FAT2: variants seen among roughly 807,000 people sequenced by gnomAD.
The protein encoded by FAT2 is FAT atypical cadherin 2.
FAT2 carries 150 observed loss-of-function variants against 295.3 expected under a neutral mutation model. That is an observed-to-expected ratio of 0.51 (90% CI 0.44 to 0.58). The LOEUF is 0.58. FAT2 is among the 20% of genes least tolerant of loss of function. FAT2 has a pLI of 0.00. For synonymous variants in FAT2, 2,026 were observed against 2,150.3 expected, an observed-to-expected ratio of 0.94 and a Z score of 1.60; for missense variants, 4,868 against 5,442.7, an observed-to-expected ratio of 0.89 and a Z score of 3.32.
intron 3 of FAT2, among the ~76,000 whole-genome samples, chr5:151,556,709 T>C (rs1013522251): frequency 2.6e-5 from 4 of 152,236 alleles, no homozygotes; most frequent in Non-Finnish European, 5.9e-5. Context: ...TATTCAATAC[T>C]TTATTTTAAA....
In FAT2 at chr5:151,540,629, C is replaced by G. The variant is rs1156889986; in HGVS notation, c.8977G>C (p.Ala2993Pro). 4 of 1,614,072 alleles carry G rather than the reference C, an allele frequency of 2.5e-6. No homozygotes were observed. In the African/African-American group the frequency reaches 5.3e-5, roughly 22 times the overall value. Reference protein sequence around the residue: ...RVTASDGKFQASVTVEIFVLD... With the variant: ...RVTASDGKFQPSVTVEIFVLD... ...ACAAAGATCTCCACAGTGACCGAAGCCTGGAACTTGCCATCAGATGCTGTG... is the reference window on the plus strand; with the variant it reads ...ACAAAGATCTCCACAGTGACCGAAGGCTGGAACTTGCCATCAGATGCTGTG... The change falls in exon 11 of 24, where the codon GCT (alanine) becomes CCT (proline). Residue 2993 changes from alanine (A) to proline (P), a missense_variant. This residue lies in a region of FAT2 where 9 missense variants were observed against 27.4 expected (regional missense o/e 0.33). Transcript: ENST00000261800.
chr5:151,537,296 G>C (rs1217354185), intron 12 of FAT2, among the ~76,000 whole-genome samples: 1 of 143,292 alleles, frequency 7.0e-6, no homozygotes, highest in Non-Finnish European at 1.5e-5. Context: ...AGGAGGAGGA[G>C]GGAGAGAGGG....
chr5:151,549,572 G>T, intron 8 of FAT2, 67 bp from the exon 9 acceptor site: 2 of 1,395,486 alleles, frequency 1.4e-6, no homozygotes, highest in Non-Finnish European at 2.0e-6. Flanking sequence ...GTTAGGGTAA[G>T]GTTAATGAAC....
chr5:151,544,879 G>A lies in FAT2; in HGVS notation c.6248C>T (p.Thr2083Ile), dbSNP rs761364509. 6.2e-7 allele frequency: 1 copy of A among 1,614,058 alleles called. No individual in the cohort carries two copies. Among genetic ancestry groups the A allele is most frequent in the African/African-American group, 1.3e-5 (1 of 74,918 alleles). ...LPYYTIIQDGTEPGDVLFQVS... is the reference protein window; with the variant it reads ...LPYYTIIQDGIEPGDVLFQVS... ...CTGAAAGAGGACATCCCCTGGCTCTGTGCCATCTTGGATGATTGTGTAATA... is the reference window on the plus strand; with the variant it reads ...CTGAAAGAGGACATCCCCTGGCTCTATGCCATCTTGGATGATTGTGTAATA... The change falls in exon 10 of 24, where the codon ACA becomes ATA. Residue 2083 changes from threonine (T) to isoleucine (I), a missense_variant. Thr to Ile is a moderately conservative substitution (Grantham distance 89, BLOSUM62 -1). Transcript: ENST00000261800.
chr5:151,541,280 C>T (rs924731168), intron 10 of FAT2, among the ~76,000 whole-genome samples: 1 of 152,202 alleles, frequency 6.6e-6, no homozygotes, highest in South Asian at 2.1e-4. Flanking sequence ...ATATGGATTT[C>T]TCACTCTGAG....
At chr5:151,556,812 G>A (rs574493083) in intron 3 of FAT2, among the ~76,000 whole-genome samples, 2 of 152,276 alleles carry the variant, frequency 1.3e-5, no homozygotes, top group East Asian at 1.9e-4. Context: ...ATCATGTTCT[G>A]TAGGTTCGGT....
At chr5:151,585,237 C>T (rs7736160) in intron 1 of FAT2, among the ~76,000 whole-genome samples, 2 of 152,026 alleles carry the variant, frequency 1.3e-5, no homozygotes, top group African/African-American at 2.4e-5. Context: ...TGACTGGCAA[C>T]GGGCACCAGG....
chr5:151,588,029 T>C (rs1759245170), intron 1 of FAT2, among the ~76,000 whole-genome samples: 1 of 152,200 alleles, frequency 6.6e-6, no homozygotes, highest in Admixed American at 6.5e-5. Context: ...CAATGATTCT[T>C]CAAGGGAGAC....
At position 151,531,646 on chromosome 5, in the gene FAT2, G is replaced by T. The variant is rs1316262149; in HGVS notation, c.9752C>A (p.Thr3251Asn). ...GTTCCCGCTGACCACGCGGTAGCCG[G>T]TCTTCTCTGCGCCCGGGCGAGTGAG... The part of the protein sequence containing the change: ...ATLTRPGAEK[T>N]GYRVVSGNEQ... The change falls in exon 14 of 24, where the codon ACC (threonine) becomes AAC (asparagine). Residue 3251 changes from threonine to asparagine, a missense_variant. Coordinates refer to ENST00000261800, the MANE Select transcript of FAT2 (RefSeq NM_001447.3). This position sits in a 1 kb window ranked among gnomAD's most constrained non-coding sequence, Gnocchi z 5.7. The T allele has an allele frequency of 2.5e-6, 4 of 1,613,650 alleles. No homozygotes were observed. The highest frequency in any genetic ancestry group is 2.2e-5 in the East Asian group (1 of 44,890).
chr5:151,524,102 C>T (rs1343422241), intron 18 of FAT2, among the ~76,000 whole-genome samples: 1 of 152,122 alleles, frequency 6.6e-6, no homozygotes, highest in Admixed American at 6.5e-5. Flanking sequence ...GTCTCCCTCA[C>T]CCACTCTATA....
At chr5:151,558,171 C>G (rs759339888) in intron 3 of FAT2, among the ~76,000 whole-genome samples, 7 of 152,114 alleles carry the variant, frequency 4.6e-5, no homozygotes, top group African/African-American at 1.7e-4. Context: ...CGGTGTTCAC[C>G]TGAGTCACGT....
Position 151,534,587 on chromosome 5 carries a change from A to T in FAT2, c.9249T>A (p.Leu3083=). The change falls in exon 13 of 24, where the codon CTT becomes CTA. Residue 3083 remains leucine (L), a synonymous_variant. Coordinates refer to ENST00000261800, the MANE Select transcript of FAT2 (RefSeq NM_001447.3). ...LDRERKDVFN[L]VAKATDGGGR... ...CACCTCCATCCGTCGCCTTGGCAAC[A>T]AGGTTGAACACATCCTTCCTTTCTC... The T allele has an allele frequency of 6.2e-7, 1 of 1,614,016 alleles. No individual in the cohort carries two copies. The highest frequency in any genetic ancestry group is 8.5e-7 in the Non-Finnish European group (1 of 1,179,964).
intron 23 of FAT2, 131 bp from the exon 24 acceptor site, chr5:151,506,228 G>T: frequency 1.1e-6 from 1 of 904,364 alleles, no homozygotes; most frequent in Non-Finnish European, 1.5e-6. Context: ...ATCTGTGCAG[G>T]TTGTCTCTGT....
rs751092234 is a variant in FAT2 at position 151,521,605 on chromosome 5, C to T, written c.10988G>A (p.Arg3663Gln). The change falls in exon 19 of 24, where the codon CGG (arginine) becomes CAG (glutamine). Residue 3663 changes from arginine to glutamine, a missense_variant. Physicochemically the swap from Arg to Gln is conservative, Grantham distance 43 (BLOSUM62 1). Around this residue, in one of 5 missense-constraint regions of FAT2, gnomAD observed 1,046 missense variants for 1,210.1 expected, o/e 0.86. Coordinates refer to ENST00000261800, the MANE Select transcript of FAT2 (RefSeq NM_001447.3). ...RFLSHKLDIK[R>Q]ANIHLASLQP... is the part of the protein sequence containing the mutation. Reference sequence around the variant, plus strand: ...GAGGCTGGCCAAGTGAATGTTAGCCCGTTTGATGTCCAGCTTATGGCTGAG... The same window carrying T: ...GAGGCTGGCCAAGTGAATGTTAGCCTGTTTGATGTCCAGCTTATGGCTGAG... 5 of 1,614,182 alleles carry T rather than the reference C, an allele frequency of 3.1e-6. No individual in the cohort carries two copies. The highest frequency in any genetic ancestry group is 2.2e-5 in the East Asian group (1 of 44,880).
intron 18 of FAT2, among the ~76,000 whole-genome samples, chr5:151,525,332 A>G (rs7725088): frequency 0.06 from 9,198 of 152,134 alleles, 331 homozygotes; most frequent in African/African-American, 0.11. Context: ...ACAATATCTC[A>G]CTTGAGCCCC....
rs763338605 is a variant in FAT2 at position 151,537,957 on chromosome 5, A to T, written c.9040-11T>A. The T allele has an allele frequency of 1.2e-6, 2 of 1,612,760 alleles. No individual in the cohort carries two copies. The highest frequency in any genetic ancestry group is 1.7e-6 in the Non-Finnish European group (2 of 1,179,336). ...GCCAGTATAGAGAAGCTAGAGATGG[A>T]AAGACAAAGAAGAGGGAGACTGTGG... On this transcript the variant is annotated splice_polypyrimidine_tract_variant and intron_variant, in intron 11 of 23. Coordinates refer to ENST00000261800, the MANE Select transcript of FAT2 (RefSeq NM_001447.3).
At chr5:151,541,491 G>C (rs1004784706) in intron 10 of FAT2, among the ~76,000 whole-genome samples, 11 of 152,160 alleles carry the variant, frequency 7.2e-5, no homozygotes, top group Non-Finnish European at 1.0e-4. Flanking sequence ...GTGGTTCTTG[G>C]TTGGAATTTC....
intron 3 of FAT2, among the ~76,000 whole-genome samples, chr5:151,561,321 A>C (rs1488920070): frequency 6.6e-6 from 1 of 152,200 alleles, no homozygotes; most frequent in South Asian, 2.1e-4. Flanking sequence ...GGGCAAGATG[A>C]GGCCAGAGAG....
At chr5:151,519,753 A>AT (rs1391599590) in intron 19 of FAT2, among the ~76,000 whole-genome samples, 1 of 152,176 alleles carries the variant, frequency 6.6e-6, no homozygotes, top group Admixed American at 6.5e-5. Context: ...TTTCACTAAA[A>AT]TGTTAAAAAA....
Sources: gnomAD v4.1 joint callset for allele counts (sites outside exome capture counted in the v4.1 genomes callset) on GRCh38, gnomAD v4.1.1 for gene constraint, gnomAD v4.1.1 regional missense constraint, Gnocchi (gnomAD v3.1) non-coding constraint, MANE v1.5 for transcripts, NCBI Gene and HGNC (gene_info 2026-07-23, HGNC 2026-07-21) for gene names.